TNIK: variants seen among roughly 807,000 people sequenced by gnomAD.
The protein encoded by TNIK is TRAF2 and NCK-interacting protein kinase.
A neutral mutation model predicts 191.3 loss-of-function variants in TNIK; 49 were observed. The ratio of observed to expected loss-of-function variants is 0.26; its 90% CI spans 0.20 to 0.32. TNIK has a LOEUF of 0.32. TNIK is among the 10% of genes least tolerant of loss of function. The pLI, the probability that TNIK is intolerant of heterozygous loss-of-function variation, is 1.00. For synonymous variants in TNIK, 594 were observed against 600.9 expected (o/e 0.99, Z 0.17); for missense variants, 1,155 against 1,702.3 (o/e 0.68, Z 5.66).
At position 171,140,429 on chromosome 3, in the gene TNIK, C is replaced by G; in HGVS notation, c.1302G>C (p.Glu434Asp). 2 of 1,608,110 alleles carry G rather than the reference C, an allele frequency of 1.2e-6. No individual in the cohort carries two copies. The highest frequency in any genetic ancestry group is 1.7e-6 in the Non-Finnish European group (2 of 1,177,186). The stretch of plus-strand genomic sequence containing the variant: ...CATGCTCCGCACGCCTCCTCTCCTC[C>G]TCCCGGCGCATCTGCTCCTCATAGT... ...RRHYEEQMRR[E>D]EERRRAEHEQ... is the part of the protein sequence containing the mutation. The change falls in exon 13 of 33, where the codon GAG becomes GAC. Residue 434 changes from glutamate (E) to aspartate (D), a missense_variant. By Grantham distance (45) the Glu-to-Asp change is conservative. Around this residue, in one of 3 missense-constraint regions of TNIK, gnomAD observed 735 missense variants for 848.0 expected, o/e 0.87. Transcript: ENST00000436636.
intron 2 of TNIK, among the ~76,000 whole-genome samples, chr3:171,350,594 C>CT (rs1415718834): frequency 1.1e-4 from 2 of 17,904 alleles, no homozygotes; most frequent in Non-Finnish European, 2.3e-4. Context: ...AGCTCTGTTG[C>CT]TAAAAAAAAA....
chr3:171,335,399 C>G (rs1004563835), intron 2 of TNIK, among the ~76,000 whole-genome samples: 3 of 152,122 alleles, frequency 2.0e-5, no homozygotes, highest in African/African-American at 7.2e-5. Flanking sequence ...ACAATTAATC[C>G]TAAAAAGTTC....
intron 29 of TNIK, among the ~76,000 whole-genome samples, chr3:171,070,447 TGAGAGAGAGAGAGACAGAGAGAGATCA>T (rs1358096295): frequency 1.3e-5 from 2 of 150,748 alleles, no homozygotes; most frequent in Non-Finnish European, 3.0e-5. Flanking sequence ...AGACATAAGC[TGAGAGAGAGAGAGACAGAGAGAGATCA>T]GAGAGAGAGA....
intron 22 of TNIK, 105 bp from the exon 23 acceptor site, chr3:171,094,073 CAT>C (rs1413840555): frequency 3.2e-5 from 43 of 1,362,314 alleles, no homozygotes; most frequent in Non-Finnish European, 3.9e-5. Flanking sequence ...ATATTAATAA[CAT>C]AAAATTTACC....
chr3:171,134,405 G>T (rs1368418366), intron 15 of TNIK, among the ~76,000 whole-genome samples: 2 of 152,096 alleles, frequency 1.3e-5, no homozygotes, highest in Admixed American at 1.3e-4. Context: ...CTCAGCCTTT[G>T]GTGTAGCTGG....
intron 12 of TNIK, among the ~76,000 whole-genome samples, chr3:171,148,795 T>C (rs191552030): frequency 3.3e-5 from 5 of 152,340 alleles, no homozygotes; most frequent in Non-Finnish European, 5.9e-5. Flanking sequence ...CCTGTATTAA[T>C]GCAGGGATAT....
chr3:171,193,680 A>G (rs1738328051), intron 5 of TNIK, among the ~76,000 whole-genome samples: 1 of 152,358 alleles, frequency 6.6e-6, no homozygotes, highest in African/African-American at 2.4e-5. Context: ...TCTCAAAGGC[A>G]TATCTTGAAC....
chr3:171,335,621 G>T (rs1444165992), intron 2 of TNIK, among the ~76,000 whole-genome samples: 1 of 152,126 alleles, frequency 6.6e-6, no homozygotes, highest in African/African-American at 2.4e-5. Context: ...TTATTGTTTA[G>T]TCGTATTCTG....
intron 1 of TNIK, among the ~76,000 whole-genome samples, chr3:171,432,157 A>T (rs917362237): frequency 2.6e-5 from 4 of 152,220 alleles, no homozygotes; most frequent in African/African-American, 9.6e-5. Flanking sequence ...GAAAGAATAC[A>T]AGGAAGCCTA....
intron 4 of TNIK, among the ~76,000 whole-genome samples, chr3:171,201,330 C>A (rs1022726875): frequency 6.6e-6 from 1 of 151,940 alleles, no homozygotes; most frequent in Non-Finnish European, 1.5e-5. Flanking sequence ...ACCCAGGCTG[C>A]GAAGGTTGTG....
At position 171,157,640 on chromosome 3, in the gene TNIK, C is replaced by T. The variant is rs1488808787; in HGVS notation, c.1041G>A (p.Glu347=). Reference sequence around the variant, plus strand: ...TCAGAAAGTCCCTCCGCAGCGTCGACTCCCCTGGCAGATTCAGGATGGAGC... The same window carrying T: ...TCAGAAAGTCCCTCCGCAGCGTCGATTCCCCTGGCAGATTCAGGATGGAGC... The part of the protein sequence containing the change: ...EPSSILNLPG[E]STLRRDFLRL... Residue 347 remains glutamate, a synonymous_variant, in exon 12 of 33, where the codon GAG becomes GAA. Coordinates refer to ENST00000436636, the MANE Select transcript of TNIK (RefSeq NM_015028.4). The T allele has an allele frequency of 6.4e-7, 1 of 1,555,438 alleles. No homozygotes were observed. The highest frequency in any genetic ancestry group is 1.2e-5 in the South Asian group (1 of 84,170).
rs142698680 is a variant in TNIK at position 171,176,780 on chromosome 3, C to A, written c.694+546G>T. Among the ~76,000 whole-genome samples, 268 of 152,330 alleles carry A rather than the reference C, an allele frequency of 1.8e-3. 4 individuals are homozygous for A. The highest frequency in any genetic ancestry group is 6.3e-3 in the African/African-American group (262 of 41,568). On this transcript the variant is annotated intron_variant, in intron 8 of 32. Transcript: ENST00000436636. Reference sequence around the variant, plus strand: ...TATATGGAAGTCTGTGAGGCACAGTCTCATGACAGAGACTCTCTGCTGGGG... The same window carrying A: ...TATATGGAAGTCTGTGAGGCACAGTATCATGACAGAGACTCTCTGCTGGGG...
chr3:171,089,550 T>C (rs557356407), intron 23 of TNIK, among the ~76,000 whole-genome samples: 7 of 152,288 alleles, frequency 4.6e-5, no homozygotes, highest in Admixed American at 3.9e-4. Flanking sequence ...TCAGAGAGGC[T>C]AACAAGGGGA....
chr3:171,216,140 A>C (rs1292743568), intron 3 of TNIK, among the ~76,000 whole-genome samples: 4 of 152,226 alleles, frequency 2.6e-5, no homozygotes, highest in Admixed American at 2.0e-4. Flanking sequence ...TTATCATTAA[A>C]GGATCACAGG....
chr3:171,246,642 C>A (rs2109062316), intron 2 of TNIK, among the ~76,000 whole-genome samples: 1 of 152,290 alleles, frequency 6.6e-6, no homozygotes, highest in Middle Eastern at 3.4e-3. Flanking sequence ...TTTCTAAGAG[C>A]TTTCATTAGA....
chr3:171,079,769 G>GC lies in TNIK; in HGVS notation c.3314-118dup. The GC allele has an allele frequency of 4.9e-6, 6 of 1,231,700 alleles. No individual in the cohort carries two copies. The South Asian group carries it at 1.0e-4, about 21-fold the overall frequency. 76.3% of individuals were successfully genotyped at this position (1,231,700 alleles called of 1,614,324 possible). A position where few individuals can be genotyped will look rare whatever the true frequency, so the allele number is the denominator to read the frequency against. ...TACGTGTGTGTGTGTGTGTATGAAG[G>GC]CATAATAACCAGTGTCCCCAGCACT... On this transcript the variant is annotated intron_variant, in intron 27 of 32. Transcript: ENST00000436636.
intron 28 of TNIK, among the ~76,000 whole-genome samples, chr3:171,078,357 G>A (rs1222840936): frequency 6.6e-6 from 1 of 151,670 alleles, no homozygotes; most frequent in Non-Finnish European, 1.5e-5. Flanking sequence ...TTTGCTTTTT[G>A]TTCTACTCTT....
chr3:171,443,588 C>A (rs1396042224), intron 1 of TNIK, among the ~76,000 whole-genome samples: 2 of 151,976 alleles, frequency 1.3e-5, no homozygotes, highest in Non-Finnish European at 1.5e-5. Flanking sequence ...AATCCCAGCA[C>A]TTTTGGGAGG....
At chr3:171,136,862 A>T (rs1177616996) in intron 15 of TNIK, among the ~76,000 whole-genome samples, 1 of 152,184 alleles carries the variant, frequency 6.6e-6, no homozygotes, top group Non-Finnish European at 1.5e-5. Context: ...TGTACCTGGG[A>T]GTAGGATCAC....
Sources: allele counts gnomAD v4.1 joint callset (sites outside exome capture counted in the v4.1 genomes callset), GRCh38; gene constraint gnomAD v4.1.1; regional missense constraint gnomAD v4.1.1; transcripts MANE v1.5; gene names NCBI Gene and HGNC (gene_info 2026-07-23, HGNC 2026-07-21).